Variants in KLHL23 observed in about 807,000 individuals in gnomAD.
The protein encoded by KLHL23 is kelch-like protein 23.
In KLHL23, 33 loss-of-function variants were observed where a neutral mutation model predicts 48.9. The ratio of observed to expected loss-of-function variants is 0.67; its 90% CI spans 0.51 to 0.90. KLHL23 has a LOEUF of 0.90. Ranked by LOEUF, KLHL23 falls within the 40% of genes least tolerant of loss-of-function variation. The probability of loss-of-function intolerance (pLI) is 0.00; values close to 1 mark genes in which losing one functional copy is unlikely to be tolerated. For synonymous variants in KLHL23, 234 were observed against 231.6 expected (o/e 1.01, Z -0.09); for missense variants, 608 against 669.6 (o/e 0.91, Z 1.02).
At chr2:169,736,977 GA>G (rs1688534502) in intron 2 of KLHL23, among the ~76,000 whole-genome samples, 1 of 152,162 alleles carries the variant, frequency 6.6e-6, no homozygotes, top group Non-Finnish European at 1.5e-5. Context: ...ACCTGGTCTG[GA>G]AATCTGACCT....
In KLHL23 at chr2:169,750,108, A is replaced by ATGTGTATATATACGTTTG. The variant is rs1558952724; in HGVS notation, c.*377_*378insGTGTATATATACGTTTGT. The ATGTGTATATATACGTTTG allele has an allele frequency of 6.6e-5, 1 of 15,228 alleles. No homozygotes were observed. The highest frequency in any genetic ancestry group is 1.3e-4 in the Non-Finnish European group (1 of 7,556). The allele number at this position is 15,228 out of a possible 1,614,324, so 0.9% of individuals were successfully genotyped here. On this transcript the variant is annotated 3_prime_UTR_variant, in exon 4 of 4. Transcript: ENST00000392647. ...TGTATACATATATGTGTATACATAT[A>ATGTGTATATATACGTTTG]TATGTGTGTATATATATACACATAT...
At position 169,750,175 on chromosome 2, in the gene KLHL23, G is replaced by A; in HGVS notation, c.*443G>A. On this transcript the variant is annotated 3_prime_UTR_variant, in exon 4 of 4. Coordinates refer to ENST00000392647, the MANE Select transcript of KLHL23 (RefSeq NM_144711.6). ...ATATATATACACAGTTGAATCAGTG[G>A]GATTAATACCTATAATCTCTGGTTT... The A allele has an allele frequency of 6.6e-6, 1 of 151,320 alleles. No individual in the cohort carries two copies. The highest frequency in any genetic ancestry group is 2.5e-5 in the African/African-American group (1 of 40,526). The allele number at this position is 151,320 out of a possible 1,614,324, so 9.4% of individuals were successfully genotyped here. A position where few individuals can be genotyped will look rare whatever the true frequency, so the allele number is the denominator to read the frequency against.
chr2:169,743,452 A>T (rs1305314382), intron 3 of KLHL23, among the ~76,000 whole-genome samples: 2 of 152,208 alleles, frequency 1.3e-5, no homozygotes, highest in Non-Finnish European at 2.9e-5. Context: ...TTTGATTTAC[A>T]TTGAACTTTT....
chr2:169,747,111 C>T (rs1010444021), intron 3 of KLHL23, among the ~76,000 whole-genome samples: 4 of 152,180 alleles, frequency 2.6e-5, no homozygotes, highest in Non-Finnish European at 4.4e-5. Context: ...GGGCCAGGCA[C>T]GGTGGCTCAC....
chr2:169,740,766 T>TTATATATATATATATATATA (rs55779546), intron 2 of KLHL23, among the ~76,000 whole-genome samples: 16 of 125,510 alleles, frequency 1.3e-4, no homozygotes, highest in African/African-American at 2.7e-4. Flanking sequence ...CTTTTTTATA[T>TTATATATATATATATATATA]TATATATATA....
At position 169,749,930 on chromosome 2, in the gene KLHL23, TAC is replaced by T. The variant is rs1169471797; in HGVS notation, c.*208_*209del. The T allele has an allele frequency of 0.13, 11,267 of 85,280 alleles. 2,108 individuals carry two copies. Among genetic ancestry groups the T allele is most frequent in the Admixed American group, 0.18 (1,125 of 6,296 alleles). The allele number at this position is 85,280 out of a possible 1,614,324, so 5.3% of individuals were successfully genotyped here. ...GAAAAATCTTATATATATATATATA[TAC>T]ACACACACATATATGTGTTCATATA... On this transcript the variant is annotated 3_prime_UTR_variant, in exon 4 of 4. Coordinates refer to ENST00000392647, the MANE Select transcript of KLHL23 (RefSeq NM_144711.6).
chr2:169,740,776 A>G (rs1340788820), intron 2 of KLHL23, among the ~76,000 whole-genome samples: 1 of 90,870 alleles, frequency 1.1e-5, no homozygotes, highest in African/African-American at 5.6e-5. Flanking sequence ...TTATATATAT[A>G]TATATATATA....
At chr2:169,744,952 T>C (rs1452150330) in intron 3 of KLHL23, among the ~76,000 whole-genome samples, 2 of 151,700 alleles carry the variant, frequency 1.3e-5, no homozygotes, top group African/African-American at 2.4e-5. Flanking sequence ...TGTTTTTTTT[T>C]TTTTAAAGAC....
chr2:169,749,960 T>TGC lies in KLHL23; in HGVS notation c.*229_*230insCG, dbSNP rs1688908021. On this transcript the variant is annotated 3_prime_UTR_variant, in exon 4 of 4. Transcript: ENST00000392647. ...ACACACATATATGTGTTCATATATA[T>TGC]GTATACATATATATGTGTATATATA... 2.4e-5 allele frequency: 3 copies of TGC among 126,880 alleles called. No individual in the cohort carries two copies. Among genetic ancestry groups the TGC allele is most frequent in the Non-Finnish European group, 2.8e-5 (2 of 70,730 alleles). The allele number at this position is 126,880 out of a possible 1,614,324, so 7.9% of individuals were successfully genotyped here. A position where few individuals can be genotyped will look rare whatever the true frequency, so the allele number is the denominator to read the frequency against.
intron 2 of KLHL23, among the ~76,000 whole-genome samples, chr2:169,739,538 G>T (rs934443615): frequency 8.6e-4 from 131 of 152,160 alleles, no homozygotes; most frequent in African/African-American, 3.0e-3. Context: ...GTCTAGAATG[G>T]CCTCCTCTCA....
chr2:169,749,918 T>TATATATATATATATATATATATATAG lies in KLHL23; in HGVS notation c.*199_*200insTATATATATATAGATATATATATATA, dbSNP rs1688901857. The TATATATATATATATATATATATATAG allele has an allele frequency of 5.3e-6, 1 of 188,850 alleles. No individual in the cohort carries two copies. Among genetic ancestry groups the TATATATATATATATATATATATATAG allele is most frequent in the African/African-American group, 4.6e-5 (1 of 21,828 alleles). 11.7% of individuals were successfully genotyped at this position (188,850 alleles called of 1,614,324 possible). A position where few individuals can be genotyped will look rare whatever the true frequency, so the allele number is the denominator to read the frequency against. ...ATTCATGGTCAAGAAAAATCTTATA[T>TATATATATATATATATATATATATAG]ATATATATATATACACACACACATA... is the stretch of plus-strand genomic sequence containing the variant. On this transcript the variant is annotated 3_prime_UTR_variant, in exon 4 of 4. Coordinates refer to ENST00000392647, the MANE Select transcript of KLHL23 (RefSeq NM_144711.6).
Position 169,749,822 on chromosome 2 carries a change from A to T in KLHL23, c.*90A>T. The T allele has an allele frequency of 6.9e-7, 1 of 1,456,658 alleles. No individual in the cohort carries two copies. The allele number at this position is 1,456,658 out of a possible 1,614,324, so 90.2% of individuals were successfully genotyped here. ...AGGGTTTGAAGTTCCTTACCTGATA[A>T]TTGTGTCTGGCACATGATAGGGGAT... is the stretch of plus-strand genomic sequence containing the variant. On this transcript the variant is annotated 3_prime_UTR_variant, in exon 4 of 4. Transcript: ENST00000392647.
In KLHL23 at chr2:169,750,150, A is replaced by G. The variant is rs199777191; in HGVS notation, c.*418A>G. 0.025 allele frequency: 3,771 copies of G among 150,996 alleles called. 111 individuals are homozygous for G. Among genetic ancestry groups the G allele is most frequent in the East Asian group, 0.083 (419 of 5,060 alleles). The allele number at this position is 150,996 out of a possible 1,614,324, so 9.4% of individuals were successfully genotyped here. A position where few individuals can be genotyped will look rare whatever the true frequency, so the allele number is the denominator to read the frequency against. ...TACACATATATACGTATATATGTGT[A>G]TATATATACACAGTTGAATCAGTGG... On this transcript the variant is annotated 3_prime_UTR_variant, in exon 4 of 4. Coordinates refer to ENST00000392647, the MANE Select transcript of KLHL23 (RefSeq NM_144711.6).
chr2:169,749,333 T>G, intron 3 of KLHL23, 89 bp from the exon 4 acceptor site: 1 of 1,354,902 alleles, frequency 7.4e-7, no homozygotes, highest in Non-Finnish European at 9.8e-7. Context: ...GTGCTAAATT[T>G]TAAAGGATTA....
Position 169,734,079 on chromosome 2 carries a change from C to T in KLHL23, c.-11C>T, listed in dbSNP as rs1421704608. The T allele has an allele frequency of 6.7e-6, 1 of 148,732 alleles. No individual in the cohort carries two copies. Among genetic ancestry groups the T allele is most frequent in the East Asian group, 2.1e-4 (1 of 4,872 alleles). 9.2% of individuals were successfully genotyped at this position (148,732 alleles called of 1,614,324 possible). On this transcript the variant is annotated 5_prime_UTR_variant, in exon 1 of 4. Coordinates refer to ENST00000392647, the MANE Select transcript of KLHL23 (RefSeq NM_144711.6). ...CGGGCCAGCGCCGCGTCCCGAGCCC[C>T]GGCGGGAGGTAGGTGCGGTGTGGAC...
At chr2:169,734,977 A>T (rs1414181637) in intron 1 of KLHL23, 36 bp from the exon 2 acceptor site, 9 of 1,512,902 alleles carry the variant, frequency 5.9e-6, no homozygotes, top group Non-Finnish European at 7.9e-6. Flanking sequence ...AATGTGCAAC[A>T]TTGAAAACAC....
At chr2:169,734,366 C>G (rs1445580461) in intron 1 of KLHL23, among the ~76,000 whole-genome samples, 2 of 148,626 alleles carry the variant, frequency 1.3e-5, no homozygotes. Flanking sequence ...AGTCCAGCCC[C>G]GCTCCTGGCC....
chr2:169,735,733 G>T lies in KLHL23; in HGVS notation c.719G>T (p.Gly240Val). The T allele has an allele frequency of 6.2e-7, 1 of 1,613,982 alleles. No individual in the cohort carries two copies. The highest frequency in any genetic ancestry group is 1.1e-5 in the South Asian group (1 of 91,078). ...CCAGTGTACTTAAAAACAGCCTTAG[G>T]CCTTCAAAGAAGCTGCCTGCTCACC... ...IDPVYLKTAL[G>V]LQRSCLLTEN... is the part of the protein sequence containing the mutation. The change falls in exon 2 of 4, where the codon GGC becomes GTC. Residue 240 changes from glycine (G) to valine (V), a missense_variant. This residue lies in a region of KLHL23 where 419 missense variants were observed against 473.1 expected (regional missense o/e 0.89). Transcript: ENST00000392647. The surrounding 1 kb of genome is among the most constrained non-coding windows in gnomAD (Gnocchi z 4.5).
chr2:169,739,006 TC>T (rs1326535254), intron 2 of KLHL23, among the ~76,000 whole-genome samples: 3 of 42,424 alleles, frequency 7.1e-5, no homozygotes, highest in Non-Finnish European at 8.6e-5. Context: ...CCCCTTCCCC[TC>T]CCCCATCTCC....
Sources: gnomAD v4.1 joint callset for allele counts (sites outside exome capture counted in the v4.1 genomes callset) on GRCh38, gnomAD v4.1.1 for gene constraint, gnomAD v4.1.1 regional missense constraint, Gnocchi (gnomAD v3.1) non-coding constraint, MANE v1.5 for transcripts, NCBI Gene and HGNC (gene_info 2026-07-23, HGNC 2026-07-21) for gene names.